Variants in DRC1 observed in about 807,000 individuals in gnomAD.
DRC1 encodes dynein regulatory complex protein 1.
A neutral mutation model predicts 98.7 loss-of-function variants in DRC1; 74 were observed. The ratio of observed to expected loss-of-function variants is 0.75; its 90% CI spans 0.62 to 0.91. The LOEUF (loss-of-function observed/expected upper bound fraction) is 0.91. Among genes scored for constraint, DRC1 ranks in the 40% least tolerant of loss-of-function variants. The pLI is 0.00. For missense variants in DRC1, 875 were observed against 886.0 expected, an observed-to-expected ratio of 0.99 and a Z score of 0.16; for synonymous variants, 336 against 334.1, an observed-to-expected ratio of 1.01 and a Z score of -0.06.
Position 26,402,128 on chromosome 2 carries a change from T to C in DRC1, c.139T>C (p.Leu47=). 1 of 1,609,178 alleles carries C rather than the reference T, an allele frequency of 6.2e-7. No individual in the cohort carries two copies. The highest frequency in any genetic ancestry group is 8.5e-7 in the Non-Finnish European group (1 of 1,178,446). ...QARRLRIAAR[L]EARRREALGE... ...CCGGCGCCTCCGCATCGCTGCGCGC[T>C]TAGAAGCCCGGAGGCGGTGAGCGCG... The change falls in exon 1 of 17, where the codon TTA becomes CTA. Residue 47 remains leucine, a synonymous_variant. Transcript: ENST00000288710.
Position 26,454,675 on chromosome 2 carries a change from A to T in DRC1, c.1948A>T (p.Lys650Ter). ...CTCGCGGGCCCCGCTGAGGGTACAG[A>T]AGAATGTGCGTGACAACTCCAAGGA... The part of the protein sequence containing the change: ...RDSRAPLRVQ[K>*]NVRDNSKDSE... Residue 650 changes from lysine to a stop codon, truncating the protein, a stop_gained, in exon 15 of 17, where the codon AAG becomes TAG. Coordinates refer to ENST00000288710, the MANE Select transcript of DRC1 (RefSeq NM_145038.5). LOFTEE classifies it high-confidence loss of function. The surrounding 1 kb of genome is among the most constrained non-coding windows in gnomAD (Gnocchi z 5.2). 6.2e-7 allele frequency: 1 copy of T among 1,614,030 alleles called. No homozygotes were observed. The highest frequency in any genetic ancestry group is 1.1e-5 in the South Asian group (1 of 91,066).
chr2:26,455,198 C>T lies in DRC1; in HGVS notation c.2131C>T (p.Leu711=), dbSNP rs752426827. 3 of 1,613,898 alleles carry T rather than the reference C, an allele frequency of 1.9e-6. No individual in the cohort carries two copies. Among genetic ancestry groups the T allele is most frequent in the Non-Finnish European group, 1.7e-6 (2 of 1,180,026 alleles). The part of the protein sequence containing the change: ...NSSLEQQNTE[L]QALLQQYLNS... The stretch of plus-strand genomic sequence containing the variant: ...TTCTCTGGAGCAGCAGAACACAGAG[C>T]TGCAGGCGCTACTGCAGCAGTATCT... Residue 711 remains leucine, a synonymous_variant, in exon 16 of 17, where the codon CTG becomes TTG. Coordinates refer to ENST00000288710, the MANE Select transcript of DRC1 (RefSeq NM_145038.5).
In DRC1 at chr2:26,455,204, G is replaced by C. The variant is rs757284861; in HGVS notation, c.2137G>C (p.Ala713Pro). 1 of 1,613,946 alleles carries C rather than the reference G, an allele frequency of 6.2e-7. No individual in the cohort carries two copies. ...SLEQQNTELQ[A>P]LLQQYLNSKI... Reference sequence around the variant, plus strand: ...GGAGCAGCAGAACACAGAGCTGCAGGCGCTACTGCAGCAGTATCTGAACTC... The same window carrying C: ...GGAGCAGCAGAACACAGAGCTGCAGCCGCTACTGCAGCAGTATCTGAACTC... Residue 713 changes from alanine (A) to proline (P), a missense_variant, in exon 16 of 17, where the codon GCG (alanine) becomes CCG (proline). By Grantham distance (27) the Ala-to-Pro change is conservative (BLOSUM62 -1). Coordinates refer to ENST00000288710, the MANE Select transcript of DRC1 (RefSeq NM_145038.5).
chr2:26,423,779 C>T (rs1249043359), intron 3 of DRC1, among the ~76,000 whole-genome samples: 6 of 152,246 alleles, frequency 3.9e-5, no homozygotes, highest in Non-Finnish European at 8.8e-5. Context: ...ATCCTGACAA[C>T]AGCCAGCCAC....
intron 4 of DRC1, among the ~76,000 whole-genome samples, chr2:26,425,121 C>T (rs1234171985): frequency 2.0e-5 from 3 of 152,154 alleles, no homozygotes; most frequent in Non-Finnish European, 1.5e-5. Flanking sequence ...CACCTTTCTA[C>T]TTTCTGTTTC....
intron 4 of DRC1, among the ~76,000 whole-genome samples, chr2:26,425,174 T>C (rs1012485779): frequency 2.0e-5 from 3 of 152,210 alleles, no homozygotes; most frequent in Admixed American, 1.3e-4. Flanking sequence ...GTGAGTGAAA[T>C]CATACAGCAT....
At chr2:26,424,808 C>G (rs557892813) in intron 4 of DRC1, among the ~76,000 whole-genome samples, 1 of 151,954 alleles carries the variant, frequency 6.6e-6, no homozygotes, top group African/African-American at 2.4e-5. Context: ...AAAAATTAGC[C>G]GGGCATGGTG....
At chr2:26,451,224 C>T (rs1293385310) in intron 13 of DRC1, among the ~76,000 whole-genome samples, 4 of 152,054 alleles carry the variant, frequency 2.6e-5, no homozygotes, top group Non-Finnish European at 1.5e-5. Context: ...TATACTGAGG[C>T]CCAAGCAATC....
chr2:26,421,570 T>TC (rs1663143596), intron 3 of DRC1, among the ~76,000 whole-genome samples, 170 bp downstream of exon 3: 1 of 149,986 alleles, frequency 6.7e-6, no homozygotes, highest in Non-Finnish European at 1.5e-5. Flanking sequence ...TTTTTTTTTT[T>TC]TTTTTTTGAG....
rs1431177065 is a variant in DRC1, at chr2:26,454,114, C to G, written c.1920-533C>G. On this transcript the variant is annotated intron_variant, in intron 14 of 16. Transcript: ENST00000288710. This position sits in a 1 kb window ranked among gnomAD's most constrained non-coding sequence, Gnocchi z 5.2. ...CTTGGAGAGCCTTGCCCAATGTGCC[C>G]AAGATCTTTGTCTTTACCCGTTGGT... 6.6e-6 allele frequency among the ~76,000 whole-genome samples: 1 copy of G among 152,026 alleles called. No individual in the cohort carries two copies. Among genetic ancestry groups the G allele is most frequent in the Admixed American group, 6.5e-5 (1 of 15,274 alleles).
chr2:26,419,583 T>G (rs367593082), intron 2 of DRC1, among the ~76,000 whole-genome samples: 1 of 152,350 alleles, frequency 6.6e-6, no homozygotes, highest in South Asian at 2.1e-4. Flanking sequence ...CTGTTCTGTA[T>G]TCAATGAAAC....
chr2:26,422,591 T>C (rs1183672151), intron 3 of DRC1, among the ~76,000 whole-genome samples: 2 of 152,216 alleles, frequency 1.3e-5, no homozygotes, highest in African/African-American at 2.4e-5. Flanking sequence ...TTTGGATTGT[T>C]CTTCAATTAA....
chr2:26,411,588 A>G (rs1678612084), intron 1 of DRC1, among the ~76,000 whole-genome samples: 1 of 152,126 alleles, frequency 6.6e-6, no homozygotes, highest in Admixed American at 6.5e-5. Flanking sequence ...ATAAGAATTT[A>G]TAGCATATCT....
At chr2:26,442,807 C>A (rs954816946) in intron 8 of DRC1, among the ~76,000 whole-genome samples, 13 of 152,206 alleles carry the variant, frequency 8.5e-5, no homozygotes, top group African/African-American at 3.1e-4. Flanking sequence ...CTTCCAGGCA[C>A]TAAGAACTCT....
chr2:26,416,164 C>T (rs75379081), intron 2 of DRC1, among the ~76,000 whole-genome samples: 3,435 of 152,214 alleles, frequency 0.023, 124 homozygotes, highest in African/African-American at 0.076. Context: ...CACAAAAATG[C>T]TCCCTTCCTC....
intron 7 of DRC1, among the ~76,000 whole-genome samples, chr2:26,434,225 A>C (rs1016430895): frequency 4.6e-5 from 7 of 152,232 alleles, no homozygotes; most frequent in Non-Finnish European, 8.8e-5. Flanking sequence ...AGAAGTAAAA[A>C]AAAATGTCTT....
At chr2:26,439,170 C>G (rs529255656) in intron 7 of DRC1, among the ~76,000 whole-genome samples, 54 of 152,234 alleles carry the variant, frequency 3.5e-4, no homozygotes, top group African/African-American at 1.2e-3. Context: ...GCACCCACCC[C>G]CCTTGCCTCA....
At chr2:26,407,421 T>C (rs1420339522) in intron 1 of DRC1, among the ~76,000 whole-genome samples, 2 of 152,144 alleles carry the variant, frequency 1.3e-5, no homozygotes, top group Non-Finnish European at 2.9e-5. Context: ...ACTGATGGCA[T>C]ATCATATTCA....
At chr2:26,447,298 A>G (rs550171587) in intron 10 of DRC1, among the ~76,000 whole-genome samples, 1 of 151,606 alleles carries the variant, frequency 6.6e-6, no homozygotes, top group African/African-American at 2.4e-5. Flanking sequence ...CTGTAATTCC[A>G]GCTACTCAGG....
Sources: allele counts gnomAD v4.1 joint callset (sites outside exome capture counted in the v4.1 genomes callset), GRCh38; gene constraint gnomAD v4.1.1; non-coding constraint Gnocchi (gnomAD v3.1); transcripts MANE v1.5; gene names NCBI Gene and HGNC (gene_info 2026-07-23, HGNC 2026-07-21).